QKI: variants seen among roughly 807,000 people sequenced by gnomAD.
QKI encodes the protein KH domain-containing RNA-binding protein QKI.
In QKI, 10 loss-of-function variants were observed where a neutral mutation model predicts 39.0. That is an observed-to-expected ratio of 0.26 (90% CI 0.16 to 0.43). The LOEUF is 0.43. Among genes scored for constraint, QKI ranks in the 20% least tolerant of loss-of-function variants. The pLI is 1.00. For missense variants in QKI, 218 were observed against 428.0 expected (o/e 0.51, Z 4.33); for synonymous variants, 204 against 155.4 (o/e 1.31, Z -2.33).
intron 7 of QKI, chr6:163,567,802 A>G: frequency 2.0e-6 from 2 of 985,220 alleles, no homozygotes; most frequent in African/African-American, 3.5e-5. Context: ...CTCAAATATT[A>G]GTGGAGGAAA....
At chr6:163,514,234 T>C (rs994167945) in intron 3 of QKI, among the ~76,000 whole-genome samples, 1 of 152,216 alleles carries the variant, frequency 6.6e-6, no homozygotes, top group African/African-American at 2.4e-5. Context: ...TAAAATACTT[T>C]TTAAGAAATG....
chr6:163,561,435 T>C (rs1449718442), intron 4 of QKI, among the ~76,000 whole-genome samples: 1 of 151,924 alleles, frequency 6.6e-6, no homozygotes, highest in Non-Finnish European at 1.5e-5. Context: ...AACGAGACCT[T>C]GTCTCTACAA....
At chr6:163,441,231 A>G (rs1310135885) in intron 1 of QKI, among the ~76,000 whole-genome samples, 4 of 152,176 alleles carry the variant, frequency 2.6e-5, no homozygotes, top group Admixed American at 2.0e-4. Context: ...TGTAATGAAC[A>G]TATGTTATTA....
intron 3 of QKI, among the ~76,000 whole-genome samples, chr6:163,508,528 CTTTCTT>C (rs1562497651): frequency 6.6e-5 from 1 of 15,264 alleles, no homozygotes. Context: ...TTCTTTCTTT[CTTTCTT>C]TTTTTTTTTT....
chr6:163,451,727 G>T (rs1790575669), intron 1 of QKI, among the ~76,000 whole-genome samples: 1 of 152,194 alleles, frequency 6.6e-6, no homozygotes, highest in African/African-American at 2.4e-5. Context: ...GTTGAAGGTA[G>T]TGCAGTTGGT....
At chr6:163,487,799 A>G (rs2128227624) in intron 3 of QKI, among the ~76,000 whole-genome samples, 1 of 152,024 alleles carries the variant, frequency 6.6e-6, no homozygotes, top group South Asian at 2.1e-4. Context: ...AATATTTCAT[A>G]ACTAGTGTTT....
At chr6:163,503,966 C>T (rs1778943977) in intron 3 of QKI, among the ~76,000 whole-genome samples, 2 of 152,086 alleles carry the variant, frequency 1.3e-5, no homozygotes, top group East Asian at 3.9e-4. Context: ...TGGTCTCGAA[C>T]TCGTGAGCTC....
chr6:163,472,524 T>C (rs551720947), intron 2 of QKI, among the ~76,000 whole-genome samples: 2 of 152,202 alleles, frequency 1.3e-5, no homozygotes, highest in Non-Finnish European at 2.9e-5. Context: ...TTTACACATA[T>C]ACAGCAAAAA....
rs1783664689 is a variant in QKI, at chr6:163,570,852, T to C, written c.*142T>C. ...GCACTTGTCCGTTCGTCTTACCATC[T>C]AACCAAACAAAAGACAAAGAAATTG... On this transcript the variant is annotated 3_prime_UTR_variant, in exon 8 of 8. Coordinates refer to ENST00000361752, the MANE Select transcript of QKI (RefSeq NM_006775.3). 2.8e-6 allele frequency: 3 copies of C among 1,084,988 alleles called. No individual in the cohort carries two copies. Among genetic ancestry groups the C allele is most frequent in the Non-Finnish European group, 3.9e-6 (3 of 774,592 alleles). The allele number at this position is 1,084,988 out of a possible 1,614,324, so 67.2% of individuals were successfully genotyped here. A position where few individuals can be genotyped will look rare whatever the true frequency, so the allele number is the denominator to read the frequency against.
chr6:163,554,405 G>A (rs1206534150), intron 4 of QKI, among the ~76,000 whole-genome samples: 2 of 152,226 alleles, frequency 1.3e-5, no homozygotes, highest in African/African-American at 4.8e-5. Context: ...CTACACTTAA[G>A]CATTGGAAAG....
At chr6:163,543,896 A>G (rs529233065) in intron 4 of QKI, among the ~76,000 whole-genome samples, 2 of 152,230 alleles carry the variant, frequency 1.3e-5, no homozygotes, top group African/African-American at 4.8e-5. Flanking sequence ...ATATTTTCAG[A>G]TAATGCTATT....
chr6:163,504,075 C>T (rs950966693), intron 3 of QKI, among the ~76,000 whole-genome samples: 4 of 151,972 alleles, frequency 2.6e-5, no homozygotes, highest in East Asian at 1.9e-4. Context: ...ATTTGTGGGT[C>T]TAATTTTATT....
At chr6:163,548,056 G>A (rs1782000444) in intron 4 of QKI, among the ~76,000 whole-genome samples, 1 of 152,056 alleles carries the variant, frequency 6.6e-6, no homozygotes, top group African/African-American at 2.4e-5. Flanking sequence ...AACACTGTTT[G>A]TTTACGTAGT....
chr6:163,541,644 G>T (rs1260554605), intron 4 of QKI, among the ~76,000 whole-genome samples: 1 of 151,912 alleles, frequency 6.6e-6, no homozygotes, highest in Non-Finnish European at 1.5e-5. Flanking sequence ...ACATGTACAT[G>T]CATGCATATC....
Position 163,572,670 on chromosome 6 carries a change from A to ACACCCCCCC in QKI, c.*1961_*1962insACCCCCCCC, listed in dbSNP as rs1783759979. The stretch of plus-strand genomic sequence containing the variant: ...CGTGGCAAATCTCAAGTGACAGTGG[A>ACACCCCCCC]CCCCCCCCCCCGCCCAGCTTATCAA... On this transcript the variant is annotated 3_prime_UTR_variant, in exon 8 of 8. Transcript: ENST00000361752. 5.1e-5 allele frequency: 1 copy of ACACCCCCCC among 19,630 alleles called. No homozygotes were observed. Among genetic ancestry groups the ACACCCCCCC allele is most frequent in the Non-Finnish European group, 8.4e-5 (1 of 11,854 alleles). The allele number at this position is 19,630 out of a possible 1,614,324, so 1.2% of individuals were successfully genotyped here.
At chr6:163,427,981 T>G (rs902463165) in intron 1 of QKI, among the ~76,000 whole-genome samples, 1 of 152,144 alleles carries the variant, frequency 6.6e-6, no homozygotes, top group African/African-American at 2.4e-5. Context: ...ATTAAGAACT[T>G]TTAGTAGTAA....
intron 6 of QKI, chr6:163,565,265 C>T (rs76808280): frequency 7.9e-4 from 781 of 986,552 alleles, no homozygotes; most frequent in Non-Finnish European, 8.7e-4. Flanking sequence ...CCCGTGCATG[C>T]TCCTTTTCCC....
intron 3 of QKI, among the ~76,000 whole-genome samples, chr6:163,519,639 T>G (rs938317827): frequency 6.6e-6 from 1 of 151,892 alleles, no homozygotes; most frequent in Admixed American, 6.6e-5. Context: ...TAATACTATT[T>G]TAGAATACAG....
At chr6:163,475,025 C>A (rs1018484752) in intron 2 of QKI, among the ~76,000 whole-genome samples, 13 of 151,860 alleles carry the variant, frequency 8.6e-5, no homozygotes, top group Non-Finnish European at 4.4e-5. Flanking sequence ...AAAATTCTTG[C>A]AAGTATTATT....
Sources: allele counts gnomAD v4.1 joint callset (sites outside exome capture counted in the v4.1 genomes callset), GRCh38; gene constraint gnomAD v4.1.1; transcripts MANE v1.5; gene names NCBI Gene and HGNC (gene_info 2026-07-23, HGNC 2026-07-21).